Variants in EGFLAM observed in about 807,000 individuals in gnomAD.
EGFLAM encodes the protein pikachurin.
EGFLAM carries 79 observed loss-of-function variants against 113.1 expected under a neutral mutation model. The observed-to-expected ratio is 0.70, with a 90% confidence interval of 0.58 to 0.84. The LOEUF is 0.84. Ranked by LOEUF, EGFLAM falls within the 40% of genes least tolerant of loss-of-function variation. The pLI is 0.00. For synonymous variants in EGFLAM, 504 were observed against 487.6 expected, an observed-to-expected ratio of 1.03 and a Z score of -0.44; for missense variants, 1,265 against 1,291.6, an observed-to-expected ratio of 0.98 and a Z score of 0.32.
intron 19 of EGFLAM, among the ~76,000 whole-genome samples, chr5:38,452,036 CTTTTTTTTT>C (rs550236407): frequency 8.4e-6 from 1 of 118,404 alleles, no homozygotes; most frequent in Non-Finnish European, 1.7e-5. Context: ...TCCAACAGGA[CTTTTTTTTT>C]TTTTTTTTGA....
chr5:38,383,667 G>T (rs1396734059), intron 6 of EGFLAM, among the ~76,000 whole-genome samples: 4 of 152,144 alleles, frequency 2.6e-5, no homozygotes, highest in Admixed American at 2.0e-4. Flanking sequence ...AAATAAGTCT[G>T]TATCACATTA....
Position 38,463,685 on chromosome 5 carries a change from C to T in EGFLAM, c.2876-147C>T, listed in dbSNP as rs114164908. On this transcript the variant is annotated intron_variant, in intron 21 of 21. Transcript: ENST00000322350. ...TTGAGAGAGGTGAGGTACTGAGCAG[C>T]TCAAGGGGCCCACAGCCCTCACATG... The T allele has an allele frequency of 1.5e-3, 1,275 of 867,266 alleles. 10 individuals carry two copies. In the African/African-American group the frequency reaches 0.016, roughly 11 times the overall value. The allele number at this position is 867,266 out of a possible 1,614,324, so 53.7% of individuals were successfully genotyped here.
intron 17 of EGFLAM, among the ~76,000 whole-genome samples, chr5:38,446,033 C>A (rs1179594657): frequency 6.6e-6 from 1 of 152,196 alleles, no homozygotes; most frequent in African/African-American, 2.4e-5. Flanking sequence ...GGGACAGGCC[C>A]TGGCGGTACC....
At chr5:38,296,159 G>A (rs1758448866) in intron 1 of EGFLAM, among the ~76,000 whole-genome samples, 1 of 152,140 alleles carries the variant, frequency 6.6e-6, no homozygotes, top group African/African-American at 2.4e-5. Flanking sequence ...GGGTCCATAG[G>A]GTATTGATGG....
At chr5:38,366,157 T>C (rs982508619) in intron 5 of EGFLAM, among the ~76,000 whole-genome samples, 5 of 152,138 alleles carry the variant, frequency 3.3e-5, no homozygotes, top group African/African-American at 1.2e-4. Flanking sequence ...TACCCACTCT[T>C]TGGATCCTGC....
intron 1 of EGFLAM, among the ~76,000 whole-genome samples, chr5:38,315,365 C>T (rs1738564716): frequency 6.6e-6 from 1 of 152,136 alleles, no homozygotes; most frequent in African/African-American, 2.4e-5. Context: ...ATGTTTTCTC[C>T]TTATTGATAT....
intron 5 of EGFLAM, among the ~76,000 whole-genome samples, chr5:38,358,446 CAAAAAAA>C (rs34444620): frequency 6.7e-5 from 5 of 74,122 alleles, no homozygotes; most frequent in African/African-American, 2.7e-4. Flanking sequence ...GACTCCGTCT[CAAAAAAA>C]AAAAAAAAAA....
rs139380374 is a variant in EGFLAM, at chr5:38,321,316, C to G, written c.98-16204C>G. ...TGCTGATCTGACAGGAGGCGGAACT[C>G]AGGCAGTAATGCTAGTAATGGGGAC... is the stretch of plus-strand genomic sequence containing the variant. On this transcript the variant is annotated intron_variant, in intron 1 of 21. Transcript: ENST00000322350. Among the ~76,000 whole-genome samples, 670 of 152,286 alleles carry G rather than the reference C, an allele frequency of 4.4e-3. 7 individuals carry two copies. Among genetic ancestry groups the G allele is most frequent in the African/African-American group, 0.015 (631 of 41,564 alleles).
intron 1 of EGFLAM, among the ~76,000 whole-genome samples, chr5:38,281,136 G>T (rs2111753150): frequency 6.6e-6 from 1 of 152,254 alleles, no homozygotes; most frequent in African/African-American, 2.4e-5. Flanking sequence ...ATACAGCCTT[G>T]TGCCTAGAGT....
intron 16 of EGFLAM, among the ~76,000 whole-genome samples, chr5:38,435,836 G>A (rs6889204): frequency 0.34 from 11,282 of 32,994 alleles, 570 homozygotes; most frequent in Non-Finnish European, 0.36. Context: ...TTTTTTTTTT[G>A]AGATTGAGTC....
chr5:38,388,933 C>CAAA (rs33962258), intron 6 of EGFLAM, among the ~76,000 whole-genome samples: 3 of 139,526 alleles, frequency 2.2e-5, no homozygotes, highest in Non-Finnish European at 3.1e-5. Context: ...AAAAAAAAAA[C>CAAA]AAAAAAAAAT....
chr5:38,318,263 C>CTATAG (rs1343710900), intron 1 of EGFLAM, among the ~76,000 whole-genome samples: 1 of 151,034 alleles, frequency 6.6e-6, no homozygotes, highest in Non-Finnish European at 1.5e-5. Context: ...GTATAGTATA[C>CTATAG]TATAGTATAC....
chr5:38,318,593 C>T (rs56359718), intron 1 of EGFLAM, among the ~76,000 whole-genome samples: 22,377 of 151,752 alleles, frequency 0.15, 1,900 homozygotes, highest in African/African-American at 0.23. Context: ...TAATCCCTTC[C>T]ACCTCCCAGG....
intron 1 of EGFLAM, among the ~76,000 whole-genome samples, chr5:38,308,847 C>T (rs1758794300): frequency 6.6e-6 from 1 of 152,190 alleles, no homozygotes; most frequent in Admixed American, 6.5e-5. Context: ...ATATCACCTA[C>T]AAGGTTGCTG....
At chr5:38,367,853 A>G (rs945217099) in intron 5 of EGFLAM, among the ~76,000 whole-genome samples, 3 of 152,198 alleles carry the variant, frequency 2.0e-5, no homozygotes, top group Admixed American at 2.0e-4. Context: ...CAGAGGCAAA[A>G]TGTTAAAGGT....
chr5:38,381,975 G>A (rs755806044), intron 6 of EGFLAM, among the ~76,000 whole-genome samples: 4 of 152,208 alleles, frequency 2.6e-5, no homozygotes, highest in African/African-American at 9.6e-5. Context: ...AGTGTAGCTG[G>A]AGAAGGGAGT....
At chr5:38,437,364 G>C (rs928228442) in intron 16 of EGFLAM, among the ~76,000 whole-genome samples, 3 of 152,178 alleles carry the variant, frequency 2.0e-5, no homozygotes, top group Non-Finnish European at 4.4e-5. Context: ...AATTTTAGGA[G>C]ACTGCTTGAG....
chr5:38,299,603 T>C (rs1758524087), intron 1 of EGFLAM, among the ~76,000 whole-genome samples: 2 of 152,300 alleles, frequency 1.3e-5, no homozygotes, highest in South Asian at 4.2e-4. Context: ...TCTGGGCCTT[T>C]AAATCATTAG....
intron 6 of EGFLAM, among the ~76,000 whole-genome samples, chr5:38,404,164 T>C (rs1326814054): frequency 6.6e-6 from 1 of 152,200 alleles, no homozygotes; most frequent in African/African-American, 2.4e-5. Flanking sequence ...TTTCTGCCAT[T>C]TCCTTCCACT....
Sources: allele counts gnomAD v4.1 joint callset (sites outside exome capture counted in the v4.1 genomes callset), GRCh38; gene constraint gnomAD v4.1.1; transcripts MANE v1.5; gene names NCBI Gene and HGNC (gene_info 2026-07-23, HGNC 2026-07-21).